Variants in ERC2 observed in about 807,000 individuals in gnomAD.
The protein encoded by ERC2 is ELKS/RAB6-interacting/CAST family member 2, also known as ERC protein 2.
A neutral mutation model predicts 114.8 loss-of-function variants in ERC2; 42 were observed. That is an observed-to-expected ratio of 0.37 (90% confidence interval 0.29 to 0.47). The LOEUF is 0.47. Ranked by LOEUF, ERC2 falls within the 20% of genes least tolerant of loss-of-function variation. The probability of loss-of-function intolerance (pLI) is 0.99; values close to 1 mark genes in which losing one functional copy is unlikely to be tolerated. For synonymous variants in ERC2, 454 were observed against 425.5 expected (o/e 1.07, Z -0.82); for missense variants, 939 against 1,150.7 (o/e 0.82, Z 2.66).
intron 3 of ERC2, among the ~76,000 whole-genome samples, chr3:56,225,374 C>CCATG (rs2050184223): frequency 6.6e-6 from 1 of 152,184 alleles, no homozygotes; most frequent in African/African-American, 2.4e-5. Context: ...TACACTGAGA[C>CCATG]CATGATAAGG....
intron 3 of ERC2, among the ~76,000 whole-genome samples, chr3:56,251,938 G>A (rs1275156390): frequency 6.6e-6 from 1 of 152,132 alleles, no homozygotes; most frequent in Non-Finnish European, 1.5e-5. Context: ...TTACACAGGA[G>A]GGCCCCAGTA....
rs143369471 is a variant in ERC2 at position 55,824,629 on chromosome 3, A to G, written c.2564+63760T>C. On this transcript the variant is annotated intron_variant, in intron 14 of 17. Transcript: ENST00000288221. ...GTTCCCACAACACTTTATCACTTCT[A>G]GTGTTATCACATGGTTTACATCAGT... 1.6e-3 allele frequency among the ~76,000 whole-genome samples: 251 copies of G among 152,300 alleles called. 1 individual carries two copies. Among genetic ancestry groups the G allele is most frequent in the African/African-American group, 5.6e-3 (233 of 41,564 alleles).
chr3:55,971,031 C>T (rs1016736646), intron 12 of ERC2, among the ~76,000 whole-genome samples: 1 of 152,160 alleles, frequency 6.6e-6, no homozygotes, highest in African/African-American at 2.4e-5. Context: ...GTGATACATA[C>T]TATAACATGG....
intron 7 of ERC2, among the ~76,000 whole-genome samples, chr3:56,049,609 G>A (rs1010296799): frequency 6.6e-6 from 1 of 152,090 alleles, no homozygotes; most frequent in Non-Finnish European, 1.5e-5. Context: ...ATATAAAGCA[G>A]GCAGAAAAAC....
chr3:55,709,054 T>C (rs531046234), intron 15 of ERC2, among the ~76,000 whole-genome samples: 2 of 152,210 alleles, frequency 1.3e-5, no homozygotes, highest in Non-Finnish European at 2.9e-5. Context: ...TTATCACTGG[T>C]TTAGGGAGAA....
rs2072843166 is a variant in ERC2, at chr3:56,010,593, T to C, written c.1780-4A>G. ...TCAAGCGCTCAATTATTCTCTCCTGTAAGGCAATTAACAAAAAAGAAGAGG... is the reference window on the plus strand; with the variant it reads ...TCAAGCGCTCAATTATTCTCTCCTGCAAGGCAATTAACAAAAAAGAAGAGG... On this transcript the variant is annotated splice_polypyrimidine_tract_variant and splice_region_variant and intron_variant, in intron 8 of 17. Coordinates refer to ENST00000288221, the MANE Select transcript of ERC2 (RefSeq NM_015576.3). 1 of 1,611,592 alleles carries C rather than the reference T, an allele frequency of 6.2e-7. No individual in the cohort carries two copies. The highest frequency in any genetic ancestry group is 1.3e-5 in the African/African-American group (1 of 74,720).
chr3:55,569,553 C>T (rs2056582859), intron 17 of ERC2, among the ~76,000 whole-genome samples: 1 of 152,194 alleles, frequency 6.6e-6, no homozygotes, highest in Non-Finnish European at 1.5e-5. Flanking sequence ...ATCATGTTAG[C>T]ATTTTTGGCA....
intron 12 of ERC2, among the ~76,000 whole-genome samples, chr3:55,954,047 A>C (rs941931096): frequency 1.5e-5 from 2 of 137,500 alleles, no homozygotes; most frequent in African/African-American, 5.5e-5. Flanking sequence ...TCCACTTGGC[A>C]AGGCTCTGCA....
At chr3:56,032,985 A>AAG (rs1319646253) in intron 7 of ERC2, among the ~76,000 whole-genome samples, 1,995 of 81,282 alleles carry the variant, frequency 0.025, 57 homozygotes, top group Non-Finnish European at 0.03. Context: ...AAGAGAAAGA[A>AAG]AGAAAGAAAG....
intron 2 of ERC2, among the ~76,000 whole-genome samples, chr3:56,424,624 A>G (rs1198948962): frequency 6.6e-6 from 1 of 152,234 alleles, no homozygotes. Flanking sequence ...ATCTATCTTC[A>G]AAACCAAAAG....
At chr3:56,376,782 G>A (rs544242433) in intron 2 of ERC2, among the ~76,000 whole-genome samples, 3 of 151,720 alleles carry the variant, frequency 2.0e-5, no homozygotes, top group Non-Finnish European at 4.4e-5. Flanking sequence ...AAAAAATGAG[G>A]TGAAAGAAGA....
chr3:55,913,303 T>TG (rs1024892843), intron 13 of ERC2, among the ~76,000 whole-genome samples: 2 of 152,222 alleles, frequency 1.3e-5, no homozygotes, highest in Admixed American at 6.5e-5. Context: ...AATCACCTCC[T>TG]GGGGGTCTTA....
intron 3 of ERC2, among the ~76,000 whole-genome samples, chr3:56,209,508 A>G (rs1183594751): frequency 6.6e-6 from 1 of 152,176 alleles, no homozygotes; most frequent in African/African-American, 2.4e-5. Flanking sequence ...CATTTCTGTC[A>G]ATTTATTGCT....
At chr3:55,991,709 A>T (rs1559985070) in intron 11 of ERC2, among the ~76,000 whole-genome samples, 3 of 152,208 alleles carry the variant, frequency 2.0e-5, no homozygotes, top group African/African-American at 7.2e-5. Flanking sequence ...AGACAAAACT[A>T]AACCACAAAT....
In ERC2 at chr3:55,614,605, G is replaced by A. The variant is rs1179782084; in HGVS notation, c.*39+69189C>T. Among the ~76,000 whole-genome samples the A allele has an allele frequency of 2.0e-5, 3 of 152,216 alleles. No homozygotes were observed. In the South Asian group the frequency reaches 6.2e-4, roughly 32 times the overall value. ...CCTTTGGGTGACAAAGATACCCAAT[G>A]ATCTATTATATCATTATATACTACT... On this transcript the variant is annotated intron_variant, in intron 17 of 17. Coordinates refer to ENST00000288221, the MANE Select transcript of ERC2 (RefSeq NM_015576.3).
intron 17 of ERC2, among the ~76,000 whole-genome samples, chr3:55,650,216 C>T (rs1469135204): frequency 6.6e-6 from 1 of 152,212 alleles, no homozygotes; most frequent in Non-Finnish European, 1.5e-5. Flanking sequence ...TGTCATGCTT[C>T]TCTGCCTCCT....
Position 56,228,307 on chromosome 3 carries a change from G to A in ERC2, c.1075-54787C>T, listed in dbSNP as rs145225435. On this transcript the variant is annotated intron_variant, in intron 3 of 17. Coordinates refer to ENST00000288221, the MANE Select transcript of ERC2 (RefSeq NM_015576.3). ...GCAACCGTCACCACCATCCATCTCCGGAACTTCCCAAATTGAAATTCCATG... is the reference window on the plus strand; with the variant it reads ...GCAACCGTCACCACCATCCATCTCCAGAACTTCCCAAATTGAAATTCCATG... Among the ~76,000 whole-genome samples the A allele has an allele frequency of 2.9e-4, 44 of 152,130 alleles. 1 individual carries two copies. In the South Asian group the frequency reaches 5.0e-3, roughly 17 times the overall value.
intron 17 of ERC2, among the ~76,000 whole-genome samples, chr3:55,613,625 C>T (rs2058995570): frequency 6.6e-6 from 1 of 152,084 alleles, no homozygotes; most frequent in African/African-American, 2.4e-5. Context: ...CTTTTCTCTT[C>T]CTCCTGTTTG....
chr3:56,460,735 T>C (rs1342390987), intron 1 of ERC2, among the ~76,000 whole-genome samples: 2 of 152,228 alleles, frequency 1.3e-5, no homozygotes, highest in East Asian at 1.9e-4. Context: ...CAATAAATAC[T>C]TCACAAATCA....
Sources: gnomAD v4.1 joint callset for allele counts (sites outside exome capture counted in the v4.1 genomes callset) on GRCh38, gnomAD v4.1.1 for gene constraint, MANE v1.5 for transcripts, NCBI Gene and HGNC (gene_info 2026-07-23, HGNC 2026-07-21) for gene names.